Variants in KCNIP1 observed in about 807,000 individuals in gnomAD.
KCNIP1 encodes A-type potassium channel modulatory protein KCNIP1.
KCNIP1 carries 18 observed loss-of-function variants against 33.0 expected under a neutral mutation model. The ratio of observed to expected loss-of-function variants is 0.55; its 90% CI spans 0.38 to 0.81. The LOEUF (loss-of-function observed/expected upper bound fraction) is 0.81, where lower values mean the gene tolerates loss of function less well. Ranked by LOEUF, KCNIP1 falls within the 30% of genes least tolerant of loss-of-function variation. The probability of loss-of-function intolerance (pLI) is 0.00; values close to 1 mark genes in which losing one functional copy is unlikely to be tolerated. For synonymous variants in KCNIP1, 93 were observed against 98.3 expected (o/e 0.95, Z 0.32); for missense variants, 238 against 271.6 (o/e 0.88, Z 0.87).
At chr5:170,386,969 A>G (rs1004700511) in intron 1 of KCNIP1, among the ~76,000 whole-genome samples, 1 of 152,102 alleles carries the variant, frequency 6.6e-6, no homozygotes, top group African/African-American at 2.4e-5. Flanking sequence ...GAGTCTTGAC[A>G]AAGACTTCAA....
At chr5:170,574,707 C>A (rs541075609) in intron 1 of KCNIP1, among the ~76,000 whole-genome samples, 4 of 152,310 alleles carry the variant, frequency 2.6e-5, no homozygotes, top group African/African-American at 9.6e-5. Context: ...CCCATCCCAG[C>A]AGCTCAGGGT....
At chr5:170,597,880 T>C (rs2113573789) in intron 1 of KCNIP1, among the ~76,000 whole-genome samples, 1 of 150,198 alleles carries the variant, frequency 6.7e-6, no homozygotes, top group Admixed American at 6.6e-5. Flanking sequence ...GGGGAAGCTT[T>C]CATGCCAAGT....
chr5:170,654,108 C>T (rs1227777859), intron 1 of KCNIP1, among the ~76,000 whole-genome samples: 1 of 152,164 alleles, frequency 6.6e-6, no homozygotes, highest in African/African-American at 2.4e-5. Context: ...ACTCCATTCA[C>T]CAGTGCCAAG....
chr5:170,670,659 G>A (rs1363548668), intron 1 of KCNIP1, among the ~76,000 whole-genome samples: 1 of 152,166 alleles, frequency 6.6e-6, no homozygotes, highest in African/African-American at 2.4e-5. Context: ...TTGGGAGGCT[G>A]AAGCGGGTGG....
intron 1 of KCNIP1, among the ~76,000 whole-genome samples, chr5:170,379,912 A>G (rs545076590): frequency 6.6e-6 from 1 of 151,876 alleles, no homozygotes; most frequent in Non-Finnish European, 1.5e-5. Context: ...TGATCTCGCA[A>G]CTACACTCCA....
intron 1 of KCNIP1, among the ~76,000 whole-genome samples, chr5:170,399,566 C>G (rs1326369884): frequency 1.3e-5 from 2 of 152,018 alleles, no homozygotes; most frequent in Non-Finnish European, 2.9e-5. Context: ...GATTCAATAT[C>G]CTGAGGAAAC....
At chr5:170,733,579 A>G (rs901205027) in intron 6 of KCNIP1, among the ~76,000 whole-genome samples, 2 of 152,202 alleles carry the variant, frequency 1.3e-5, no homozygotes, top group African/African-American at 2.4e-5. Context: ...AGAATAAGCC[A>G]GCAGTGAGGT....
intron 1 of KCNIP1, among the ~76,000 whole-genome samples, chr5:170,464,780 C>T (rs75094236): frequency 0.053 from 8,054 of 152,182 alleles, 559 homozygotes; most frequent in African/African-American, 0.16. Context: ...CAGCCCAAGA[C>T]GCTTGGGAAT....
intron 1 of KCNIP1, among the ~76,000 whole-genome samples, chr5:170,552,567 G>A (rs2113423842): frequency 6.6e-6 from 1 of 152,318 alleles, no homozygotes; most frequent in Non-Finnish European, 1.5e-5. Flanking sequence ...CAGGTAGGGG[G>A]AAGATGGAAG....
chr5:170,659,569 C>T (rs765182921), intron 1 of KCNIP1, among the ~76,000 whole-genome samples: 1 of 152,214 alleles, frequency 6.6e-6, no homozygotes, highest in Non-Finnish European at 1.5e-5. Flanking sequence ...TTCTCCCTTT[C>T]TCCTTCTTTG....
intron 1 of KCNIP1, among the ~76,000 whole-genome samples, chr5:170,682,738 C>T (rs543955920): frequency 4.7e-5 from 7 of 148,814 alleles, no homozygotes; most frequent in Admixed American, 2.7e-4. Context: ...GAGCAGCTTC[C>T]GCTAAGATTG....
At chr5:170,451,183 A>C (rs1756240584) in intron 1 of KCNIP1, among the ~76,000 whole-genome samples, 1 of 152,198 alleles carries the variant, frequency 6.6e-6, no homozygotes, top group African/African-American at 2.4e-5. Context: ...AGTCATGTCT[A>C]AACGCAGATA....
chr5:170,669,405 A>C (rs1761831587), intron 1 of KCNIP1: 1 of 463,660 alleles, frequency 2.2e-6, no homozygotes. Context: ...TCCTTACTTG[A>C]ATATTCCTAG....
At chr5:170,589,525 A>G (rs2113544831) in intron 1 of KCNIP1, among the ~76,000 whole-genome samples, 1 of 152,312 alleles carries the variant, frequency 6.6e-6, no homozygotes, top group East Asian at 1.9e-4. Flanking sequence ...ACACAAGTAA[A>G]TAGAGAAGGT....
At chr5:170,674,927 G>C (rs1762070252) in intron 1 of KCNIP1, among the ~76,000 whole-genome samples, 1 of 151,486 alleles carries the variant, frequency 6.6e-6, no homozygotes, top group Middle Eastern at 3.5e-3. Flanking sequence ...CCCAATGACA[G>C]GTTCTGAAAG....
intron 1 of KCNIP1, among the ~76,000 whole-genome samples, chr5:170,624,734 G>GGGTT (rs1581412517): frequency 2.0e-5 from 1 of 50,706 alleles, no homozygotes; most frequent in Non-Finnish European, 3.8e-5. Context: ...CGGGGAGGTG[G>GGGTT]GGGGGGAGAG....
chr5:170,513,648 AGG>A (rs1431513642), intron 1 of KCNIP1, among the ~76,000 whole-genome samples: 1 of 152,238 alleles, frequency 6.6e-6, no homozygotes, highest in African/African-American at 2.4e-5. Flanking sequence ...GGGCCAGAAC[AGG>A]GTGCAGGACA....
chr5:170,478,303 G>A (rs1046440357), intron 1 of KCNIP1, among the ~76,000 whole-genome samples: 5 of 152,212 alleles, frequency 3.3e-5, no homozygotes, highest in Non-Finnish European at 7.3e-5. Flanking sequence ...GAGCATAATG[G>A]TTAGAAAGAT....
intron 1 of KCNIP1, among the ~76,000 whole-genome samples, chr5:170,583,152 T>A (rs1456180145): frequency 6.6e-6 from 1 of 152,210 alleles, no homozygotes; most frequent in Admixed American, 6.5e-5. Context: ...CTGCTTTTCC[T>A]GTACTGTGCT....
Sources: gnomAD v4.1 joint callset for allele counts (sites outside exome capture counted in the v4.1 genomes callset) on GRCh38, gnomAD v4.1.1 for gene constraint, MANE v1.5 for transcripts, NCBI Gene and HGNC (gene_info 2026-07-23, HGNC 2026-07-21) for gene names.